Variants in CCDC81 observed in about 807,000 individuals in gnomAD.
The protein encoded by CCDC81 is coiled-coil domain-containing protein 81.
CCDC81 carries 79 observed loss-of-function variants against 83.7 expected under a neutral mutation model. That is an observed-to-expected ratio of 0.94 (90% CI 0.79 to 1.14). The LOEUF (loss-of-function observed/expected upper bound fraction) is 1.14. Ranked by LOEUF, CCDC81 falls within the 50% of genes most tolerant of loss-of-function variation. CCDC81 has a pLI of 0.00. For synonymous variants in CCDC81, 252 were observed against 278.1 expected (o/e 0.91, Z 0.93); for missense variants, 791 against 778.1 (o/e 1.02, Z -0.20).
At chr11:86,411,215 A>G (rs1354109952) in intron 10 of CCDC81, among the ~76,000 whole-genome samples, 5 of 151,938 alleles carry the variant, frequency 3.3e-5, no homozygotes, top group African/African-American at 1.2e-4. Flanking sequence ...CTTGGTCACT[A>G]TGCCTCAGCC....
At chr11:86,410,759 G>A (rs1338356946) in intron 10 of CCDC81, among the ~76,000 whole-genome samples, 1 of 152,152 alleles carries the variant, frequency 6.6e-6, no homozygotes, top group Admixed American at 6.5e-5. Context: ...GTCTTCTCAT[G>A]TTAGTAAGTG....
rs543024234 is a variant in CCDC81, at chr11:86,384,344, T to C, written c.80-1707T>C. Among the ~76,000 whole-genome samples the C allele has an allele frequency of 6.6e-5, 10 of 152,032 alleles. No individual in the cohort carries two copies. In the East Asian group the frequency reaches 1.9e-3, roughly 29 times the overall value. ...GGGAGGAGTGGGGAACAAGGTAGGG[T>C]GGGCAGAGTAAGGGAAATGCCTGAT... On this transcript the variant is annotated intron_variant, in intron 1 of 14. Transcript: ENST00000445632.
chr11:86,422,681 ACAAGTTCCTGCCTGG>A lies in CCDC81; in HGVS notation c.1927_1941del (p.Lys643_Gly647del). 6 of 1,614,162 alleles carry A rather than the reference ACAAGTTCCTGCCTGG, an allele frequency of 3.7e-6. No homozygotes were observed. Among genetic ancestry groups the A allele is most frequent in the Non-Finnish European group, 5.1e-6 (6 of 1,180,012 alleles). On this transcript the variant is annotated inframe_deletion, in exon 15 of 15. Transcript: ENST00000445632. ...GGCGAGAGCAACCTGTGGCCCCTGA[ACAAGTTCCTGCCTGG>A]CTCCCGGTTGCTTGTGTAAAACTCA...
intron 7 of CCDC81, among the ~76,000 whole-genome samples, chr11:86,402,233 A>C (rs1294448802): frequency 6.6e-6 from 1 of 152,156 alleles, no homozygotes; most frequent in Non-Finnish European, 1.5e-5. Context: ...AAACCAAAAA[A>C]GCAAGAGTTA....
chr11:86,395,760 T>C (rs1948399053), intron 5 of CCDC81, among the ~76,000 whole-genome samples: 1 of 152,120 alleles, frequency 6.6e-6, no homozygotes, highest in Non-Finnish European at 1.5e-5. Context: ...GTAGCTGAGA[T>C]TACAGGCGCA....
intron 3 of CCDC81, among the ~76,000 whole-genome samples, chr11:86,391,565 G>T (rs2138508699): frequency 6.6e-6 from 1 of 152,262 alleles, no homozygotes; most frequent in South Asian, 2.1e-4. Context: ...CCTTTGTAGT[G>T]TCATATATGG....
rs772783052 is a variant in CCDC81 at position 86,395,325 on chromosome 11, G to A, written c.556-9G>A. The A allele has an allele frequency of 2.5e-6, 4 of 1,613,254 alleles. No homozygotes were observed. In the Admixed American group the frequency reaches 6.7e-5, roughly 27 times the overall value. On this transcript the variant is annotated splice_polypyrimidine_tract_variant and intron_variant, in intron 4 of 14. Coordinates refer to ENST00000445632, the MANE Select transcript of CCDC81 (RefSeq NM_001156474.2). The stretch of plus-strand genomic sequence containing the variant: ...CTAGATGTAACCTTGCTCTGTTGCT[G>A]TCCTCTAGAGGCCTGGCACTGTGGA...
At chr11:86,391,212 G>C (rs1280328574) in intron 3 of CCDC81, among the ~76,000 whole-genome samples, 1 of 152,168 alleles carries the variant, frequency 6.6e-6, no homozygotes, top group Non-Finnish European at 1.5e-5. Flanking sequence ...TAAGAAATGT[G>C]TATTTTTTTT....
At chr11:86,383,672 A>G (rs1948202598) in intron 1 of CCDC81, among the ~76,000 whole-genome samples, 2 of 152,142 alleles carry the variant, frequency 1.3e-5, no homozygotes, top group African/African-American at 2.4e-5. Context: ...ATATCCTTCA[A>G]TTTGCTTTTT....
rs774859447 is a variant in CCDC81 at position 86,412,456 on chromosome 11, C to T, written c.1288C>T (p.Arg430Trp). The T allele has an allele frequency of 1.4e-5, 23 of 1,613,636 alleles. No homozygotes were observed. Among genetic ancestry groups the T allele is most frequent in the Admixed American group, 5.0e-5 (3 of 59,976 alleles). Residue 430 changes from arginine (R) to tryptophan (W), a missense_variant, in exon 11 of 15, where the codon CGG becomes TGG. Arg to Trp is a moderately radical substitution (Grantham distance 101, BLOSUM62 -3). Coordinates refer to ENST00000445632, the MANE Select transcript of CCDC81 (RefSeq NM_001156474.2). ...LNALKQEEYS[R>W]SLLKQMDNRQ... ...TGCTCTTAAGCAAGAGGAATATTCC[C>T]GGAGTCTCCTGAAACAAATGGATAA...
Position 86,407,659 on chromosome 11 carries a change from C to G in CCDC81, c.927C>G (p.Pro309=). Residue 309 remains proline, a synonymous_variant, in exon 8 of 15, where the codon CCC becomes CCG. Transcript: ENST00000445632. The part of the protein sequence containing the change: ...SCLKHDSEMK[P]QTSPACQDHN... ...TGAAACACGACAGTGAGATGAAGCC[C>G]CAAACATCTCCAGCTTGCCAGGATC... The G allele has an allele frequency of 6.2e-7, 1 of 1,613,692 alleles. No individual in the cohort carries two copies. Among genetic ancestry groups the G allele is most frequent in the Non-Finnish European group, 8.5e-7 (1 of 1,179,792 alleles).
At chr11:86,422,550 C>G (rs577065734) in intron 14 of CCDC81, 24 bp from the exon 15 acceptor site, 62 of 1,598,838 alleles carry the variant, frequency 3.9e-5, no homozygotes, top group Non-Finnish European at 4.8e-5. Flanking sequence ...ACCTGCTGAT[C>G]GGCATTTGCT....
At chr11:86,390,413 T>C (rs1593914913) in intron 3 of CCDC81, among the ~76,000 whole-genome samples, 1 of 152,064 alleles carries the variant, frequency 6.6e-6, no homozygotes, top group Non-Finnish European at 1.5e-5. Flanking sequence ...ATGAAAATGG[T>C]AGGTAGGGAC....
At chr11:86,410,613 TTC>T (rs1948629488) in intron 10 of CCDC81, among the ~76,000 whole-genome samples, 1 of 152,204 alleles carries the variant, frequency 6.6e-6, no homozygotes, top group Admixed American at 6.5e-5. Flanking sequence ...GGCATGATCT[TTC>T]TCTCTCTTTA....
intron 1 of CCDC81, among the ~76,000 whole-genome samples, chr11:86,379,102 CT>C (rs34798518): frequency 5.6e-4 from 82 of 146,408 alleles, no homozygotes; most frequent in Admixed American, 5.5e-4. Flanking sequence ...ATCAGTTATA[CT>C]TTTTTTTTTT....
At position 86,414,793 on chromosome 11, in the gene CCDC81, G is replaced by C; in HGVS notation, c.1396G>C (p.Ala466Pro). 1 of 1,608,478 alleles carries C rather than the reference G, an allele frequency of 6.2e-7. No individual in the cohort carries two copies. Among genetic ancestry groups the C allele is most frequent in the Non-Finnish European group, 8.5e-7 (1 of 1,178,560 alleles). Reference sequence around the variant, plus strand: ...TCTCTTGTTCTTAACTGCCAGACTTGCTGCGCAAAGAGCGAAATTTTTAAA... The same window carrying C: ...TCTCTTGTTCTTAACTGCCAGACTTCCTGCGCAAAGAGCGAAATTTTTAAA... ...LEQVQLTEEL[A>P]AQRAKFLKDK... The change falls in exon 12 of 15, where the codon GCT (alanine) becomes CCT (proline). Residue 466 changes from alanine (A) to proline (P), a missense_variant. Physicochemically the swap from Ala to Pro is conservative, Grantham distance 27. Transcript: ENST00000445632.
chr11:86,382,011 T>C (rs1051962748), intron 1 of CCDC81, among the ~76,000 whole-genome samples: 16 of 152,266 alleles, frequency 1.1e-4, no homozygotes, highest in Admixed American at 4.6e-4. Context: ...TGAAAGACAG[T>C]TGACTGGCTG....
At chr11:86,381,143 T>A (rs747904821) in intron 1 of CCDC81, among the ~76,000 whole-genome samples, 15 of 152,244 alleles carry the variant, frequency 9.9e-5, no homozygotes, top group Non-Finnish European at 1.8e-4. Context: ...CTCTGGACTG[T>A]GAACTTTACA....
chr11:86,418,544 G>A (rs1028230978), intron 13 of CCDC81, among the ~76,000 whole-genome samples: 1 of 152,040 alleles, frequency 6.6e-6, no homozygotes, highest in Non-Finnish European at 1.5e-5. Context: ...CTTTTAAAAA[G>A]GAAGAAAGTT....
Sources: gnomAD v4.1 joint callset for allele counts (sites outside exome capture counted in the v4.1 genomes callset) on GRCh38, gnomAD v4.1.1 for gene constraint, MANE v1.5 for transcripts, NCBI Gene and HGNC (gene_info 2026-07-23, HGNC 2026-07-21) for gene names.